Variants in GLIS3 observed in about 807,000 individuals in gnomAD.
The protein encoded by GLIS3 is zinc finger protein GLIS3.
GLIS3 carries 53 observed loss-of-function variants against 78.6 expected under a neutral mutation model. The observed-to-expected ratio is 0.67, with a 90% CI of 0.54 to 0.85. The LOEUF is 0.85. GLIS3 is among the 40% of genes least tolerant of loss of function. The probability of loss-of-function intolerance (pLI) is 0.00; values close to 1 mark genes in which losing one functional copy is unlikely to be tolerated. For synonymous variants in GLIS3, 684 were observed against 509.9 expected (o/e 1.34, Z -4.60); for missense variants, 1,703 against 1,231.1 (o/e 1.38, Z -5.74).
chr9:3,896,307 T>C (rs1158553212), intron 7 of GLIS3, among the ~76,000 whole-genome samples: 1 of 152,174 alleles, frequency 6.6e-6, no homozygotes, highest in Non-Finnish European at 1.5e-5. Context: ...ACAAAAGGCG[T>C]AACATTTTTT....
chr9:3,847,391 G>A (rs7042033), intron 9 of GLIS3, among the ~76,000 whole-genome samples: 69,499 of 151,962 alleles, frequency 0.46, 16,431 homozygotes, highest in East Asian at 0.59. Context: ...CTGTTCATTC[G>A]TATTTATTTA....
chr9:4,232,801 C>T (rs995005256), intron 2 of GLIS3, among the ~76,000 whole-genome samples: 4 of 152,126 alleles, frequency 2.6e-5, no homozygotes, highest in African/African-American at 9.7e-5. Flanking sequence ...CCTAAAATGT[C>T]CAACCACTAG....
Position 4,102,764 on chromosome 9 carries a change from CT to C in GLIS3, c.1710+15003del, listed in dbSNP as rs1197329206. On this transcript the variant is annotated intron_variant, in intron 4 of 10. Coordinates refer to ENST00000381971, the MANE Select transcript of GLIS3 (RefSeq NM_001042413.2). ...CACAGTCTTAAATATTAAATGTCAC[CT>C]TTTTTAAGCACTGGATATGCTTTTT... Among the ~76,000 whole-genome samples, 11 of 152,026 alleles carry C rather than the reference CT, an allele frequency of 7.2e-5. 1 individual carries two copies. Among genetic ancestry groups the C allele is most frequent in the African/African-American group, 7.2e-5 (3 of 41,458 alleles).
chr9:3,924,365 A>G (rs1364895102), intron 6 of GLIS3, among the ~76,000 whole-genome samples: 1 of 152,166 alleles, frequency 6.6e-6, no homozygotes, highest in African/African-American at 2.4e-5. Context: ...TTGCCTTTCA[A>G]GCTAGTTGCC....
intron 8 of GLIS3, among the ~76,000 whole-genome samples, chr9:3,864,765 T>C (rs536609447): frequency 1.3e-5 from 2 of 152,210 alleles, no homozygotes; most frequent in Non-Finnish European, 2.9e-5. Context: ...GGAAACAGCA[T>C]ATATTTTAAA....
intron 4 of GLIS3, among the ~76,000 whole-genome samples, chr9:4,045,567 GACCT>G (rs1004113626): frequency 6.6e-6 from 1 of 151,282 alleles, no homozygotes; most frequent in Non-Finnish European, 1.5e-5. Context: ...TCGAACTCCT[GACCT>G]CGTGATCCTC....
the GLIS3 span, among the ~76,000 whole-genome samples, chr9:4,459,280 A>G: frequency 6.6e-6 from 1 of 152,228 alleles, no homozygotes; most frequent in Admixed American, 6.5e-5. Context: ...GTGGGAATAT[A>G]AGAGAAAGAT....
the GLIS3 span, among the ~76,000 whole-genome samples, chr9:4,480,305 A>T: frequency 6.6e-6 from 1 of 151,008 alleles, no homozygotes; most frequent in African/African-American, 2.4e-5. Flanking sequence ...CCCAAGTTCA[A>T]ATAACCCTCC....
At chr9:4,195,981 T>C (rs1289567186) in intron 2 of GLIS3, among the ~76,000 whole-genome samples, 3 of 151,876 alleles carry the variant, frequency 2.0e-5, no homozygotes, top group Non-Finnish European at 4.4e-5. Flanking sequence ...TAGGTCAAGG[T>C]TTGTAAATGC....
intron 6 of GLIS3, among the ~76,000 whole-genome samples, chr9:3,910,110 C>G (rs1022668920): frequency 6.6e-6 from 1 of 152,166 alleles, no homozygotes; most frequent in African/African-American, 2.4e-5. Context: ...AGTTTTGCTT[C>G]AAGTTGAACT....
At chr9:4,461,866 C>G in the GLIS3 span, among the ~76,000 whole-genome samples, 2 of 152,164 alleles carry the variant, frequency 1.3e-5, no homozygotes, top group Non-Finnish European at 2.9e-5. Context: ...TCGTCAAGCT[C>G]TGCGATTTCA....
At chr9:4,402,466 C>T in the GLIS3 span, among the ~76,000 whole-genome samples, 1 of 152,104 alleles carries the variant, frequency 6.6e-6, no homozygotes, top group African/African-American at 2.4e-5. Flanking sequence ...ATGACCTCAC[C>T]AAATGAACTA....
intron 2 of GLIS3, among the ~76,000 whole-genome samples, chr9:4,265,603 C>T (rs1825925837): frequency 6.6e-6 from 1 of 152,268 alleles, no homozygotes; most frequent in Non-Finnish European, 1.5e-5. Flanking sequence ...AATGTTGTCA[C>T]CTGTGTTGCC....
At chr9:4,353,497 A>G in the GLIS3 span, among the ~76,000 whole-genome samples, 1 of 152,190 alleles carries the variant, frequency 6.6e-6, no homozygotes, top group Non-Finnish European at 1.5e-5. Context: ...CAGCCAAGAA[A>G]TGAGTAAGGC....
At chr9:3,997,404 G>C (rs1048552837) in intron 4 of GLIS3, among the ~76,000 whole-genome samples, 1 of 150,482 alleles carries the variant, frequency 6.6e-6, no homozygotes, top group Non-Finnish European at 1.5e-5. Flanking sequence ...AATAAAAGTT[G>C]AGTTGTAACA....
rs768032688 is a variant in GLIS3 at position 4,118,274 on chromosome 9, C to T, written c.1204G>A (p.Gly402Ser). The T allele has an allele frequency of 1.5e-5, 24 of 1,585,436 alleles. No homozygotes were observed. The highest frequency in any genetic ancestry group is 1.9e-5 in the Non-Finnish European group (22 of 1,166,852). The part of the protein sequence containing the change: ...HERMQQLEHG[G>S]LQPGLVNHMV... ...TGGTTGACCAGGCCTGGCTGCAGGC[C>T]GCCGTGCTCCAGCTGTTGCATGCGC... Residue 402 changes from glycine (G) to serine (S), a missense_variant, in exon 4 of 11, where the codon GGC becomes AGC. Gly to Ser is a moderately conservative substitution (Grantham distance 56). Coordinates refer to ENST00000381971, the MANE Select transcript of GLIS3 (RefSeq NM_001042413.2). This position sits in a 1 kb window ranked among gnomAD's most constrained non-coding sequence, Gnocchi z 4.7.
intron 4 of GLIS3, among the ~76,000 whole-genome samples, chr9:4,010,874 T>C (rs1821948675): frequency 6.6e-6 from 1 of 152,230 alleles, no homozygotes; most frequent in Non-Finnish European, 1.5e-5. Context: ...TCCAAAGTCC[T>C]ACCGTTAGGA....
chr9:4,457,930 G>A, the GLIS3 span, among the ~76,000 whole-genome samples: 1 of 151,630 alleles, frequency 6.6e-6, no homozygotes, highest in Non-Finnish European at 1.5e-5. Flanking sequence ...CTTAAGTATA[G>A]CTCCTTCTAT....
intron 4 of GLIS3, among the ~76,000 whole-genome samples, chr9:3,953,926 C>A (rs1259374545): frequency 6.6e-6 from 1 of 151,938 alleles, no homozygotes; most frequent in Non-Finnish European, 1.5e-5. Flanking sequence ...CTGTAGTACA[C>A]CAATCAACAT....
Sources: gnomAD v4.1 joint callset for allele counts (sites outside exome capture counted in the v4.1 genomes callset) on GRCh38, gnomAD v4.1.1 for gene constraint, Gnocchi (gnomAD v3.1) non-coding constraint, MANE v1.5 for transcripts, NCBI Gene and HGNC (gene_info 2026-07-23, HGNC 2026-07-21) for gene names.